The following ADAMTS13 variants were observed in gnomAD, a reference collection of about 807,000 sequenced individuals.
The protein encoded by ADAMTS13 is ADAM metallopeptidase with thrombospondin type 1 motif 13, also known as A disintegrin and metalloproteinase with thrombospondin motifs 13.
In ADAMTS13, 110 loss-of-function variants were observed where a neutral mutation model predicts 155.1. That is an observed-to-expected ratio of 0.71 (90% confidence interval 0.61 to 0.83). The LOEUF (loss-of-function observed/expected upper bound fraction) is 0.83. Ranked by LOEUF, ADAMTS13 falls within the 40% of genes least tolerant of loss-of-function variation. The pLI is 0.00. For synonymous variants in ADAMTS13, 758 were observed against 756.4 expected (o/e 1.00, Z -0.03); for missense variants, 1,707 against 1,891.7 (o/e 0.90, Z 1.81).
intron 11 of ADAMTS13, among the ~76,000 whole-genome samples, chr9:133,434,468 G>A (rs1554788419): frequency 1.3e-5 from 2 of 152,026 alleles, no homozygotes; most frequent in Non-Finnish European, 1.5e-5. Context: ...ACCACGCCCG[G>A]CTAATTTTTT....
chr9:133,432,493 T>C lies in ADAMTS13; in HGVS notation c.988-95T>C. The C allele has an allele frequency of 2.8e-6, 3 of 1,081,284 alleles. No individual in the cohort carries two copies. The South Asian group carries it at 4.0e-5, about 15-fold the overall frequency. 67.0% of individuals were successfully genotyped at this position (1,081,284 alleles called of 1,614,324 possible). A position where few individuals can be genotyped will look rare whatever the true frequency, so the allele number is the denominator to read the frequency against. ...GTGCAGAGTGTTGGCTGTGTCAGTG[T>C]GTCCTGCAGTCTGGGAGGGACAGTT... On this transcript the variant is annotated intron_variant, in intron 8 of 28. Coordinates refer to ENST00000355699, the MANE Select transcript of ADAMTS13 (RefSeq NM_139027.6).
chr9:133,450,876 A>G (rs1842397536), intron 23 of ADAMTS13, among the ~76,000 whole-genome samples: 1 of 152,214 alleles, frequency 6.6e-6, no homozygotes, highest in Admixed American at 6.5e-5. Flanking sequence ...AGCACCATGC[A>G]GGCAGGGTGC....
chr9:133,425,846 G>T lies in ADAMTS13; in HGVS notation c.415-92G>T. 5 of 1,576,520 alleles carry T rather than the reference G, an allele frequency of 3.2e-6. No individual in the cohort carries two copies. Among genetic ancestry groups the T allele is most frequent in the Non-Finnish European group, 4.3e-6 (5 of 1,164,410 alleles). On this transcript the variant is annotated intron_variant, in intron 4 of 28. Transcript: ENST00000355699. The surrounding 1 kb of genome is among the most constrained non-coding windows in gnomAD (Gnocchi z 4.6). ...CCTAACACGGGCTAGTCATAGGGTT[G>T]TTAGGAGGACTAACTGGGAAACAAA... is the stretch of plus-strand genomic sequence containing the variant.
At position 133,441,764 on chromosome 9, in the gene ADAMTS13, C is replaced by T. The variant is rs1246463887; in HGVS notation, c.1969-635C>T. On this transcript the variant is annotated intron_variant, in intron 16 of 28. Transcript: ENST00000355699. This position sits in a 1 kb window ranked among gnomAD's most constrained non-coding sequence, Gnocchi z 5.0. ...ATCCAGTTTCTTCCTGCCGACCCTA[C>T]CACAGGTCCCCAGGGATCCAGTTTC... 1.3e-5 allele frequency among the ~76,000 whole-genome samples: 2 copies of T among 152,182 alleles called. No individual in the cohort carries two copies. The highest frequency in any genetic ancestry group is 4.8e-5 in the African/African-American group (2 of 41,440).
At chr9:133,418,981 T>TA (rs1392229614), upstream of ADAMTS13, among the ~76,000 whole-genome samples, 1 of 152,038 alleles carries the variant, frequency 6.6e-6, no homozygotes, top group Non-Finnish European at 1.5e-5. Flanking sequence ...GCTGGGACTA[T>TA]AGGTGCACGC....
At position 133,426,304 on chromosome 9, in the gene ADAMTS13, C is replaced by G; in HGVS notation, c.645C>G (p.Gly215=). 1.9e-6 allele frequency: 3 copies of G among 1,606,180 alleles called. No individual in the cohort carries two copies. The highest frequency in any genetic ancestry group is 2.5e-6 in the Non-Finnish European group (3 of 1,180,000). The part of the protein sequence containing the change: ...TWSCLITEDT[G]FDLGVTIAHE... ...GCTGCCTCATTACCGAGGACACTGG[C>G]TTCGACCTGGGAGTCACCATTGCCC... The change falls in exon 6 of 29, where the codon GGC becomes GGG. Residue 215 remains glycine (G), a synonymous_variant. Coordinates refer to ENST00000355699, the MANE Select transcript of ADAMTS13 (RefSeq NM_139027.6).
rs1554796676 is a variant in ADAMTS13 at position 133,458,057 on chromosome 9, G to A, written c.3872G>A (p.Gly1291Asp). 1.2e-6 allele frequency: 2 copies of A among 1,613,458 alleles called. No homozygotes were observed. The highest frequency in any genetic ancestry group is 1.7e-6 in the Non-Finnish European group (2 of 1,180,030). The change falls in exon 28 of 29, where the codon GGC becomes GAC. Residue 1291 changes from glycine (G) to aspartate (D), a missense_variant. Coordinates refer to ENST00000355699, the MANE Select transcript of ADAMTS13 (RefSeq NM_139027.6). ...ATCCATGCCCTGGCCACCAACATGG[G>A]CGCTGGGACCGAGGGAGCCAATGCC... ...IAIHALATNMGAGTEGANASY... is the reference protein window; with the variant it reads ...IAIHALATNMDAGTEGANASY...
chr9:133,428,210 G>A (rs967644329), intron 6 of ADAMTS13, among the ~76,000 whole-genome samples: 1 of 152,196 alleles, frequency 6.6e-6, no homozygotes, highest in African/African-American at 2.4e-5. Flanking sequence ...CGTTTTAACT[G>A]AACTTTAAAA....
chr9:133,430,269 T>A, intron 8 of ADAMTS13, 168 bp downstream of exon 8: 1 of 914,294 alleles, frequency 1.1e-6, no homozygotes, highest in Non-Finnish European at 1.7e-6. Flanking sequence ...AGAAATTATT[T>A]AAAATGTTTG....
chr9:133,443,153 C>CA (rs1841803765), intron 18 of ADAMTS13, among the ~76,000 whole-genome samples: 1 of 152,212 alleles, frequency 6.6e-6, no homozygotes, highest in Non-Finnish European at 1.5e-5. Flanking sequence ...AGGGACGAGG[C>CA]CATTCCTGCT....
intron 13 of ADAMTS13, 75 bp downstream of exon 13, chr9:133,437,972 T>G (rs1588174192): frequency 6.2e-7 from 1 of 1,605,398 alleles, no homozygotes. Flanking sequence ...GGCAGGTTGG[T>G]GGGTGCTGGC....
chr9:133,415,033 A>C, intron 1 of ADAMTS13: 1 of 1,559,042 alleles, frequency 6.4e-7, no homozygotes, highest in Non-Finnish European at 8.6e-7. Flanking sequence ...AATAAAATAC[A>C]TGCTGCATTT....
upstream of ADAMTS13, chr9:133,417,630 G>A (rs782499576): frequency 1.8e-5 from 29 of 1,613,674 alleles, 1 homozygote; most frequent in South Asian, 1.4e-4. Flanking sequence ...CTCTTGCAGC[G>A]CCTTCCAGTT....
At position 133,446,763 on chromosome 9, in the gene ADAMTS13, A is replaced by C. The variant is rs114134293; in HGVS notation, c.2731+944A>C. ...GTGGAACTGCTGGACTGTTTTCCCCAGTGGCTGCACCATTTTACATTTCCA... is the reference window on the plus strand; with the variant it reads ...GTGGAACTGCTGGACTGTTTTCCCCCGTGGCTGCACCATTTTACATTTCCA... On this transcript the variant is annotated intron_variant, in intron 21 of 28. Transcript: ENST00000355699. 4.9e-3 allele frequency among the ~76,000 whole-genome samples: 740 copies of C among 152,326 alleles called. 12 individuals are homozygous for C. The highest frequency in any genetic ancestry group is 0.017 in the African/African-American group (697 of 41,588).
Position 133,445,017 on chromosome 9 carries a change from T to C in ADAMTS13, c.2575T>C (p.Cys859Arg). ...TGAGAAGCTGCCTGCCCCTGAGCCC[T>C]GTGTCGGGATGTCATGTCCTCCAGG... ...VDEKLPAPEP[C>R]VGMSCPPGWG... The change falls in exon 20 of 29, where the codon TGT becomes CGT. Residue 859 changes from cysteine (C) to arginine (R), a missense_variant. Transcript: ENST00000355699. The surrounding 1 kb of genome is among the most constrained non-coding windows in gnomAD (Gnocchi z 5.0). 6.2e-7 allele frequency: 1 copy of C among 1,613,398 alleles called. No individual in the cohort carries two copies. The highest frequency in any genetic ancestry group is 1.1e-5 in the South Asian group (1 of 91,062).
chr9:133,447,745 C>T lies in ADAMTS13; in HGVS notation c.2732-854C>T, dbSNP rs1842166122. Among the ~76,000 whole-genome samples, 5 of 152,154 alleles carry T rather than the reference C, an allele frequency of 3.3e-5. No individual in the cohort carries two copies. The South Asian group carries it at 8.3e-4, about 25-fold the overall frequency. On this transcript the variant is annotated intron_variant, in intron 21 of 28. Coordinates refer to ENST00000355699, the MANE Select transcript of ADAMTS13 (RefSeq NM_139027.6). ...CTGGGACTCCAGCTATGTGCCACCA[C>T]ACCTGGCTAATTTTTTGTATTTTAT... is the stretch of plus-strand genomic sequence containing the variant.
intron 11 of ADAMTS13, 33 bp downstream of exon 11, chr9:133,433,737 C>A: frequency 6.2e-7 from 1 of 1,608,932 alleles, no homozygotes; most frequent in Non-Finnish European, 8.5e-7. Flanking sequence ...GAGGGGGCAG[C>A]TGGTGGCACC....
In ADAMTS13 at chr9:133,426,208, G is replaced by A; in HGVS notation, c.549G>A (p.Leu183=). Residue 183 remains leucine (L), a synonymous_variant, in exon 6 of 29, where the codon CTG becomes CTA. Transcript: ENST00000355699. The part of the protein sequence containing the change: ...DLVLYITRFD[L]ELPDGNRQVR... ...GTTTTCTCTCACCGAGGTTTGACCT[G>A]GAGTTGCCTGATGGTAACCGGCAGG... The A allele has an allele frequency of 6.2e-7, 1 of 1,613,948 alleles. No individual in the cohort carries two copies. Among genetic ancestry groups the A allele is most frequent in the East Asian group, 2.2e-5 (1 of 44,886 alleles).
chr9:133,418,605 G>A (rs139238508), upstream of ADAMTS13, among the ~76,000 whole-genome samples: 92 of 152,290 alleles, frequency 6.0e-4, 1 homozygote, highest in East Asian at 0.015. Context: ...CCTTTTAAGG[G>A]CTTACAACCC....
Sources: allele counts gnomAD v4.1 joint callset (sites outside exome capture counted in the v4.1 genomes callset), GRCh38; gene constraint gnomAD v4.1.1; non-coding constraint Gnocchi (gnomAD v3.1); transcripts MANE v1.5; gene names NCBI Gene and HGNC (gene_info 2026-07-23, HGNC 2026-07-21).